The following EYS variants were observed in gnomAD, a reference collection of about 807,000 sequenced individuals.
The protein encoded by EYS is EGF-like photoreceptor maintenance factor, also known as protein eyes shut homolog.
EYS carries 250 observed loss-of-function variants against 282.1 expected under a neutral mutation model. That is an observed-to-expected ratio of 0.89 (90% CI 0.80 to 0.98). The LOEUF (loss-of-function observed/expected upper bound fraction) is 0.98, where lower values mean the gene tolerates loss of function less well. Ranked by LOEUF, EYS falls within the 50% of genes least tolerant of loss-of-function variation. The pLI is 0.00. For synonymous variants in EYS, 1,355 were observed against 1,282.9 expected (o/e 1.06, Z -1.20); for missense variants, 4,016 against 3,709.0 (o/e 1.08, Z -2.15).
intron 2 of EYS, among the ~76,000 whole-genome samples, chr6:65,579,762 A>G (rs1001196645): frequency 3.3e-5 from 5 of 152,112 alleles, no homozygotes; most frequent in Admixed American, 3.3e-4. Context: ...CTATCTCCAA[A>G]TATAGTCACA....
At chr6:64,773,485 T>C (rs1773587109) in intron 22 of EYS, among the ~76,000 whole-genome samples, 7 of 151,948 alleles carry the variant, frequency 4.6e-5, no homozygotes, top group Admixed American at 4.6e-4. Context: ...GTCTTTTGGA[T>C]ATGCTCAATA....
intron 22 of EYS, among the ~76,000 whole-genome samples, chr6:64,687,348 T>C (rs1236546529): frequency 6.6e-6 from 1 of 152,212 alleles, no homozygotes; most frequent in African/African-American, 2.4e-5. Context: ...TATTAATAGA[T>C]GCATTGGAAG....
chr6:65,572,805 A>C (rs1394140183), intron 2 of EYS, among the ~76,000 whole-genome samples: 1 of 152,138 alleles, frequency 6.6e-6, no homozygotes. Context: ...CTCCCCCATT[A>C]GTTTTATGTT....
At chr6:65,538,565 A>G (rs1768045837) in intron 2 of EYS, among the ~76,000 whole-genome samples, 1 of 152,172 alleles carries the variant, frequency 6.6e-6, no homozygotes, top group Non-Finnish European at 1.5e-5. Flanking sequence ...TATATTGAGT[A>G]TCTCCCAAAA....
chr6:63,907,038 T>C (rs1773795459), intron 35 of EYS, among the ~76,000 whole-genome samples: 1 of 152,142 alleles, frequency 6.6e-6, no homozygotes, highest in Admixed American at 6.5e-5. Context: ...CAAGATTGCA[T>C]AGTGTGTACA....
intron 41 of EYS, chr6:63,745,091 A>C: frequency 2.7e-6 from 1 of 366,030 alleles, no homozygotes; most frequent in Middle Eastern, 6.0e-4. Context: ...ATAGATAAGT[A>C]GAATGATAAA....
intron 22 of EYS, among the ~76,000 whole-genome samples, chr6:64,663,256 A>G (rs1280012901): frequency 6.6e-6 from 1 of 152,206 alleles, no homozygotes; most frequent in African/African-American, 2.4e-5. Context: ...GAAATATACC[A>G]TTGGTAATAA....
chr6:64,403,714 C>T (rs1234499246), intron 28 of EYS, among the ~76,000 whole-genome samples: 1 of 152,030 alleles, frequency 6.6e-6, no homozygotes, highest in Non-Finnish European at 1.5e-5. Context: ...ATGGGCAATC[C>T]TGAAAAGAAT....
At chr6:64,725,964 A>T (rs1237559574) in intron 22 of EYS, among the ~76,000 whole-genome samples, 1 of 152,150 alleles carries the variant, frequency 6.6e-6, no homozygotes, top group Non-Finnish European at 1.5e-5. Flanking sequence ...TCACTATGCA[A>T]TGTAAACAAA....
chr6:65,594,182 T>C (rs1765325650), intron 2 of EYS, among the ~76,000 whole-genome samples: 1 of 152,058 alleles, frequency 6.6e-6, no homozygotes, highest in Non-Finnish European at 1.5e-5. Flanking sequence ...GTGCTAGGCA[T>C]AATGCTAAGA....
intron 28 of EYS, among the ~76,000 whole-genome samples, chr6:64,402,487 A>G (rs1343407586): frequency 6.6e-6 from 1 of 152,156 alleles, no homozygotes; most frequent in East Asian, 1.9e-4. Context: ...TAAGGTAGTG[A>G]CCTTTTCATT....
chr6:65,325,751 C>T (rs1171725668), intron 11 of EYS, among the ~76,000 whole-genome samples: 1 of 152,030 alleles, frequency 6.6e-6, no homozygotes, highest in Non-Finnish European at 1.5e-5. Flanking sequence ...AGAAATAGTT[C>T]CAGCCTCTAA....
chr6:65,122,923 T>A (rs1451233711), intron 12 of EYS, among the ~76,000 whole-genome samples: 1 of 152,110 alleles, frequency 6.6e-6, no homozygotes, highest in Non-Finnish European at 1.5e-5. Flanking sequence ...ATTTATTCAG[T>A]AATATTTGAA....
chr6:63,974,214 A>G (rs1766722691), intron 35 of EYS, among the ~76,000 whole-genome samples: 2 of 152,104 alleles, frequency 1.3e-5, no homozygotes, highest in South Asian at 4.1e-4. Flanking sequence ...AACACAATTT[A>G]CCATTTTTAC....
chr6:65,097,391 TG>T (rs138296113), intron 12 of EYS, among the ~76,000 whole-genome samples: 25,208 of 150,796 alleles, frequency 0.17, 2,826 homozygotes, highest in Non-Finnish European at 0.25. Flanking sequence ...CATATACTGT[TG>T]GTAGGTATGT....
chr6:64,227,705 T>C (rs1171116536), intron 31 of EYS, among the ~76,000 whole-genome samples: 1 of 152,064 alleles, frequency 6.6e-6, no homozygotes, highest in Non-Finnish European at 1.5e-5. Flanking sequence ...TTCACAATAA[T>C]ATTATGCAAA....
At chr6:65,621,842 T>C (rs537933094) in intron 2 of EYS, among the ~76,000 whole-genome samples, 1 of 152,298 alleles carries the variant, frequency 6.6e-6, no homozygotes, top group East Asian at 1.9e-4. Context: ...TGAGTTCTAA[T>C]ATGATGAATC....
intron 19 of EYS, among the ~76,000 whole-genome samples, chr6:64,843,533 C>T (rs1429852644): frequency 3.3e-5 from 5 of 152,200 alleles, no homozygotes. Context: ...AATTTTACTG[C>T]CCCGCTGGAT....
At chr6:63,815,543 A>G (rs1478581736) in intron 36 of EYS, among the ~76,000 whole-genome samples, 1 of 152,234 alleles carries the variant, frequency 6.6e-6, no homozygotes, top group Admixed American at 6.5e-5. Context: ...CTGGCCATGG[A>G]TGAATAAAAT....
Sources: gnomAD v4.1 joint callset for allele counts (sites outside exome capture counted in the v4.1 genomes callset) on GRCh38, gnomAD v4.1.1 for gene constraint, MANE v1.5 for transcripts, NCBI Gene and HGNC (gene_info 2026-07-23, HGNC 2026-07-21) for gene names.